Variants in LRRC37A observed in about 807,000 individuals in gnomAD.
LRRC37A encodes leucine-rich repeat-containing protein 37A.
LRRC37A carries 3 observed loss-of-function variants against 35.4 expected under a neutral mutation model. The observed-to-expected ratio is 0.08, with a 90% CI of 0.04 to 0.22. The LOEUF is 0.22. LRRC37A is among the 10% of genes least tolerant of loss of function. The pLI is 1.00. For missense variants in LRRC37A, 67 were observed against 565.3 expected (o/e 0.12, Z 8.94); for synonymous variants, 23 against 215.0 (o/e 0.11, Z 7.81).
the LRRC37A span, among the ~76,000 whole-genome samples, chr17:46,279,411 C>G: frequency 1.3e-5 from 2 of 151,166 alleles, no homozygotes; most frequent in Non-Finnish European, 2.9e-5. Flanking sequence ...CTTGAACTCC[C>G]GACCTCAGGT....
chr17:46,277,304 C>T, the LRRC37A span, among the ~76,000 whole-genome samples: 1 of 152,200 alleles, frequency 6.6e-6, no homozygotes, highest in South Asian at 2.1e-4. Context: ...TTTGTCTTGC[C>T]ACAGGCCCCA....
At chr17:46,288,408 A>G (rs1220027583), upstream of LRRC37A, among the ~76,000 whole-genome samples, 1 of 147,912 alleles carries the variant, frequency 6.8e-6, no homozygotes, top group African/African-American at 2.5e-5. Context: ...TCCTGGCTTC[A>G]AGCAATTCTC....
chr17:46,270,498 A>G, the LRRC37A span, among the ~76,000 whole-genome samples: 1 of 152,256 alleles, frequency 6.6e-6, no homozygotes, highest in Non-Finnish European at 1.5e-5. Context: ...AGTCAGATGC[A>G]TTATTGCATG....
At chr17:46,279,500 C>CTTT in the LRRC37A span, among the ~76,000 whole-genome samples, 8 of 122,434 alleles carry the variant, frequency 6.5e-5, no homozygotes, top group East Asian at 2.5e-4. Context: ...TTCTTTCTTT[C>CTTT]TTTTTTTTTT....
the LRRC37A span, among the ~76,000 whole-genome samples, chr17:46,251,258 C>CTT: frequency 1.4e-3 from 195 of 140,614 alleles, no homozygotes; most frequent in Admixed American, 2.8e-3. Flanking sequence ...TGCTTAACAT[C>CTT]TTTTTTTTTT....
At chr17:46,275,273 G>T in the LRRC37A span, 1 of 537,264 alleles carries the variant, frequency 1.9e-6, no homozygotes. Flanking sequence ...CAAAGTTTAG[G>T]TCAAGTCTTG....
the LRRC37A span, among the ~76,000 whole-genome samples, chr17:46,282,903 G>A: frequency 6.6e-6 from 1 of 152,200 alleles, no homozygotes; most frequent in African/African-American, 2.4e-5. Context: ...CGGATCACCT[G>A]AGGTCAGGAG....
chr17:46,259,602 C>T, the LRRC37A span: 1 of 1,612,284 alleles, frequency 6.2e-7, no homozygotes, highest in Non-Finnish European at 8.5e-7. Flanking sequence ...GGAGGTTGGC[C>T]CCAGACTCAC....
At chr17:46,254,056 T>C in the LRRC37A span, among the ~76,000 whole-genome samples, 17 of 152,174 alleles carry the variant, frequency 1.1e-4, no homozygotes, top group Non-Finnish European at 1.9e-4. Context: ...CATCCTTTTT[T>C]GTAGGACCAG....
chr17:46,277,975 C>T, the LRRC37A span, among the ~76,000 whole-genome samples: 9 of 151,450 alleles, frequency 5.9e-5, no homozygotes, highest in African/African-American at 1.7e-4. Flanking sequence ...GATGGAGTCT[C>T]GTTCTTGTCG....
chr17:46,263,161 C>A, the LRRC37A span, among the ~76,000 whole-genome samples: 5 of 152,024 alleles, frequency 3.3e-5, no homozygotes, highest in East Asian at 1.9e-4. Flanking sequence ...CCACAGTGAG[C>A]CTTGATAGAG....
chr17:46,280,078 A>C, the LRRC37A span, among the ~76,000 whole-genome samples: 1 of 152,198 alleles, frequency 6.6e-6, no homozygotes, highest in Admixed American at 6.5e-5. Flanking sequence ...AACCCAAATA[A>C]ATAAAAATGT....
chr17:46,271,490 AT>A, the LRRC37A span, among the ~76,000 whole-genome samples: 2 of 152,084 alleles, frequency 1.3e-5, no homozygotes, highest in African/African-American at 4.8e-5. Context: ...CCGTATCATG[AT>A]AGTTTCAATC....
In LRRC37A at chr17:46,323,463, C is replaced by G. The variant is rs1264001683; in HGVS notation, c.3053+436C>G. ...CCAGGCTGCAGTGCAGCGGCATGACCTAGGCTCACTGCAACCTCCACCTCC... is the reference window on the plus strand; with the variant it reads ...CCAGGCTGCAGTGCAGCGGCATGACGTAGGCTCACTGCAACCTCCACCTCC... On this transcript the variant is annotated intron_variant, in intron 7 of 13. Transcript: ENST00000320254. 2.0e-5 allele frequency among the ~76,000 whole-genome samples: 2 copies of G among 98,716 alleles called. 1 individual carries two copies. Among genetic ancestry groups the G allele is most frequent in the Non-Finnish European group, 4.7e-5 (2 of 42,478 alleles). The allele number at this position is 98,716 out of a possible 152,430, so 64.8% of individuals were successfully genotyped here.
chr17:46,283,148 A>C, the LRRC37A span, among the ~76,000 whole-genome samples: 1 of 152,216 alleles, frequency 6.6e-6, no homozygotes, highest in African/African-American at 2.4e-5. Context: ...CCGAGTATGC[A>C]CAATTCAACT....
chr17:46,283,271 G>A, the LRRC37A span, among the ~76,000 whole-genome samples: 9 of 152,222 alleles, frequency 5.9e-5, no homozygotes, highest in Non-Finnish European at 8.8e-5. Context: ...AATATACACT[G>A]AGACTTCTGA....
the LRRC37A span, among the ~76,000 whole-genome samples, chr17:46,276,838 C>T: frequency 9.0e-5 from 13 of 144,154 alleles, no homozygotes; most frequent in Non-Finnish European, 1.8e-4. Context: ...GGGTCTCACT[C>T]TGTAGCCCAG....
intron 5 of LRRC37A, among the ~76,000 whole-genome samples, chr17:46,317,147 G>C (rs1319530464): frequency 2.2e-5 from 2 of 89,600 alleles, no homozygotes; most frequent in Non-Finnish European, 3.2e-5. Context: ...AGATGGGGTG[G>C]CGGCCGGGCA....
chr17:46,265,994 G>A, the LRRC37A span, among the ~76,000 whole-genome samples: 1 of 152,196 alleles, frequency 6.6e-6, no homozygotes, highest in Non-Finnish European at 1.5e-5. Context: ...CTACTTGGGA[G>A]GCTGAGGCAC....
Sources: allele counts gnomAD v4.1 joint callset (sites outside exome capture counted in the v4.1 genomes callset), GRCh38; gene constraint gnomAD v4.1.1; transcripts MANE v1.5; gene names NCBI Gene and HGNC (gene_info 2026-07-23, HGNC 2026-07-21).